PIK3R6: variants seen among roughly 807,000 people sequenced by gnomAD.
PIK3R6 encodes the protein phosphoinositide-3-kinase regulatory subunit 6.
A neutral mutation model predicts 84.9 loss-of-function variants in PIK3R6; 91 were observed. The ratio of observed to expected loss-of-function variants is 1.07; its 90% CI spans 0.90 to 1.28. The LOEUF is 1.28. Among genes scored for constraint, PIK3R6 ranks in the 50% most tolerant of loss-of-function variants. The pLI is 0.00. For missense variants in PIK3R6, 996 were observed against 985.1 expected, an observed-to-expected ratio of 1.01 and a Z score of -0.15; for synonymous variants, 416 against 411.4, an observed-to-expected ratio of 1.01 and a Z score of -0.13.
At chr17:8,848,525 T>C (rs958874201) in intron 2 of PIK3R6, among the ~76,000 whole-genome samples, 1 of 151,650 alleles carries the variant, frequency 6.6e-6, no homozygotes, top group Non-Finnish European at 1.5e-5. Context: ...CTGCACTGAG[T>C]ACTGTAGGCA....
intron 8 of PIK3R6, 143 bp downstream of exon 8, chr17:8,835,130 G>A (rs901723430): frequency 5.1e-5 from 50 of 974,982 alleles, no homozygotes; most frequent in Non-Finnish European, 6.6e-5. Context: ...GAGCCACTGC[G>A]CCCAGCCAAA....
intron 12 of PIK3R6, among the ~76,000 whole-genome samples, chr17:8,827,807 A>AGAGG (rs2087995459): frequency 7.9e-6 from 1 of 125,890 alleles, no homozygotes; most frequent in Non-Finnish European, 1.6e-5. Context: ...AGAGAGAGAG[A>AGAGG]GAGAGAGAGA....
At chr17:8,851,751 T>A (rs1405466651) in intron 1 of PIK3R6, among the ~76,000 whole-genome samples, 10 of 152,142 alleles carry the variant, frequency 6.6e-5, no homozygotes, top group Non-Finnish European at 1.3e-4. Context: ...ATCTAACAAT[T>A]TCACTTTTAG....
At chr17:8,808,450 T>A (rs1348820140) in intron 18 of PIK3R6, among the ~76,000 whole-genome samples, 1 of 152,188 alleles carries the variant, frequency 6.6e-6, no homozygotes, top group African/African-American at 2.4e-5. Context: ...CCCCTTTTTA[T>A]AAAATGATAC....
At position 8,804,195 on chromosome 17, in the gene PIK3R6, G is replaced by A. The variant is rs115726651; in HGVS notation, c.1996-42C>T. On this transcript the variant is annotated intron_variant, in intron 18 of 19. Transcript: ENST00000619866. ...GCACGTGTGAGTGTTGCCTTTGCTCGACAGGTGGCCCTGCCAACATGCCCT... is the reference window on the plus strand; with the variant it reads ...GCACGTGTGAGTGTTGCCTTTGCTCAACAGGTGGCCCTGCCAACATGCCCT... 8.2e-4 allele frequency: 1,261 copies of A among 1,537,276 alleles called. 9 individuals carry two copies. In the African/African-American group the frequency reaches 0.013, roughly 15 times the overall value.
At chr17:8,835,567 C>A in intron 7 of PIK3R6, 111 bp from the exon 8 acceptor site, 1 of 930,788 alleles carries the variant, frequency 1.1e-6, no homozygotes. Context: ...TTTAATTCTG[C>A]TAAAAAGAGG....
intron 18 of PIK3R6, among the ~76,000 whole-genome samples, chr17:8,813,613 C>A (rs1176121382): frequency 1.3e-5 from 2 of 152,260 alleles, no homozygotes; most frequent in East Asian, 3.9e-4. Flanking sequence ...ATACACAAAT[C>A]AATAAATGTG....
intron 18 of PIK3R6, among the ~76,000 whole-genome samples, chr17:8,805,292 T>C (rs1206161037): frequency 6.6e-6 from 1 of 152,202 alleles, no homozygotes; most frequent in East Asian, 1.9e-4. Flanking sequence ...ATAGTATATA[T>C]TAAGTGCTTG....
chr17:8,841,399 A>G (rs1343638875), intron 2 of PIK3R6, among the ~76,000 whole-genome samples: 1 of 152,194 alleles, frequency 6.6e-6, no homozygotes, highest in Non-Finnish European at 1.5e-5. Flanking sequence ...TCCACTCTTG[A>G]TATCTCCTGA....
chr17:8,820,876 T>C (rs569257323), intron 17 of PIK3R6, among the ~76,000 whole-genome samples: 1 of 152,120 alleles, frequency 6.6e-6, no homozygotes, highest in Non-Finnish European at 1.5e-5. Context: ...GGGATCAGAG[T>C]TGGCTTCCTC....
intron 18 of PIK3R6, among the ~76,000 whole-genome samples, chr17:8,812,219 G>A (rs538666027): frequency 1.3e-5 from 2 of 152,154 alleles, no homozygotes; most frequent in Non-Finnish European, 2.9e-5. Context: ...ACCTCCAACT[G>A]GGTCCCTCCC....
At chr17:8,852,758 G>A (rs1421099311) in intron 1 of PIK3R6, among the ~76,000 whole-genome samples, 2 of 150,610 alleles carry the variant, frequency 1.3e-5, no homozygotes. Context: ...AAAAAAGAGA[G>A]AGAGTGGCAA....
chr17:8,835,164 G>A, intron 8 of PIK3R6, 109 bp downstream of exon 8: 1 of 1,191,414 alleles, frequency 8.4e-7, no homozygotes. Flanking sequence ...TGATTTGGGG[G>A]AAAAGGTGAT....
At chr17:8,858,402 C>T (rs922293668) in intron 1 of PIK3R6, among the ~76,000 whole-genome samples, 13 of 150,864 alleles carry the variant, frequency 8.6e-5, no homozygotes, top group Non-Finnish European at 1.6e-4. Flanking sequence ...CTGCAACCTC[C>T]GCCTCCTGGG....
intron 10 of PIK3R6, 69 bp from the exon 11 acceptor site, chr17:8,829,059 G>A: frequency 7.2e-7 from 1 of 1,389,470 alleles, no homozygotes; most frequent in Non-Finnish European, 9.6e-7. Context: ...ATTTCAGCCA[G>A]TCCTCTTCAG....
intron 1 of PIK3R6, among the ~76,000 whole-genome samples, chr17:8,854,159 AT>A (rs201860283): frequency 1.3e-5 from 2 of 150,570 alleles, no homozygotes; most frequent in African/African-American, 4.9e-5. Flanking sequence ...CTTTATTTTT[AT>A]TTTTTTTTGA....
chr17:8,866,632 G>C (rs1316700312), intron 1 of PIK3R6, among the ~76,000 whole-genome samples: 4 of 152,100 alleles, frequency 2.6e-5, no homozygotes, highest in Non-Finnish European at 5.9e-5. Flanking sequence ...TTGCTTTCCT[G>C]CCTCTGGGGG....
intron 1 of PIK3R6, among the ~76,000 whole-genome samples, chr17:8,863,936 C>T (rs969343719): frequency 2.0e-5 from 3 of 152,172 alleles, no homozygotes; most frequent in African/African-American, 4.8e-5. Context: ...GCAGGAAGAA[C>T]GCTCTAAGCA....
At chr17:8,804,974 G>A (rs149088673) in intron 18 of PIK3R6, among the ~76,000 whole-genome samples, 10 of 152,378 alleles carry the variant, frequency 6.6e-5, no homozygotes, top group East Asian at 1.9e-4. Context: ...GCTCCTGAGT[G>A]TAGGCAGGGC....
Sources: allele counts gnomAD v4.1 joint callset (sites outside exome capture counted in the v4.1 genomes callset), GRCh38; gene constraint gnomAD v4.1.1; transcripts MANE v1.5; gene names NCBI Gene and HGNC (gene_info 2026-07-23, HGNC 2026-07-21).